The following REDIC1 variants were observed in gnomAD, a reference collection of about 807,000 sequenced individuals.
The protein encoded by REDIC1 is regulator of DNA class I crossover intermediates 1.
At chr12:39,720,827 A>T in the REDIC1 span, 27 of 1,612,234 alleles carry the variant, frequency 1.7e-5, no homozygotes, top group Non-Finnish European at 2.3e-5. Flanking sequence ...CAAATTGAAG[A>T]TTCAAATAGG....
At chr12:39,669,167 T>C in the REDIC1 span, among the ~76,000 whole-genome samples, 4 of 152,168 alleles carry the variant, frequency 2.6e-5, no homozygotes, top group Non-Finnish European at 5.9e-5. Flanking sequence ...CTCCGTTTTT[T>C]CCCCATCTTT....
the REDIC1 span, among the ~76,000 whole-genome samples, chr12:39,762,011 T>C: frequency 6.6e-6 from 1 of 152,120 alleles, no homozygotes; most frequent in Non-Finnish European, 1.5e-5. Flanking sequence ...TACAGATTCT[T>C]TCTTGTGACC....
the REDIC1 span, among the ~76,000 whole-genome samples, chr12:39,726,046 T>C: frequency 6.6e-6 from 1 of 152,106 alleles, no homozygotes; most frequent in Non-Finnish European, 1.5e-5. Context: ...AAATTTGCCT[T>C]TTCAAAACAA....
chr12:39,666,549 C>T, the REDIC1 span, among the ~76,000 whole-genome samples: 120,575 of 152,070 alleles, frequency 0.79, 48,523 homozygotes, highest in Non-Finnish European at 0.87. Flanking sequence ...TGTCTCTGCC[C>T]GGCTTTGGTA....
At chr12:39,691,907 G>T in the REDIC1 span, 1 of 683,098 alleles carries the variant, frequency 1.5e-6, no homozygotes, top group Non-Finnish European at 2.2e-6. Context: ...ATTTTTCTTT[G>T]TGGTTTAAAA....
At chr12:39,646,959 T>C in the REDIC1 span, 1 of 1,025,474 alleles carries the variant, frequency 9.8e-7, no homozygotes, top group Non-Finnish European at 1.4e-6. Context: ...TCTAAATGTC[T>C]GAATACTGGA....
chr12:39,874,224 G>A, the REDIC1 span, among the ~76,000 whole-genome samples: 1 of 152,156 alleles, frequency 6.6e-6, no homozygotes, highest in Non-Finnish European at 1.5e-5. Flanking sequence ...GAGGGCACTG[G>A]AGGTCACTGA....
chr12:39,799,351 C>G, the REDIC1 span, among the ~76,000 whole-genome samples: 1 of 148,218 alleles, frequency 6.7e-6, no homozygotes, highest in Admixed American at 6.9e-5. Flanking sequence ...CTCAAGTGAT[C>G]TGCCTACCTC....
chr12:39,839,547 T>C, the REDIC1 span, among the ~76,000 whole-genome samples: 2 of 151,830 alleles, frequency 1.3e-5, no homozygotes, highest in African/African-American at 4.9e-5. Context: ...TATTATCATT[T>C]GGTGATAAGA....
chr12:39,760,261 G>T, the REDIC1 span: 12 of 1,595,722 alleles, frequency 7.5e-6, no homozygotes, highest in Non-Finnish European at 1.0e-5. Context: ...TCCTGCAACG[G>T]AATATAATAG....
chr12:39,896,412 GTATGTATA>G, the REDIC1 span, among the ~76,000 whole-genome samples: 38 of 132,352 alleles, frequency 2.9e-4, 2 homozygotes, highest in African/African-American at 1.1e-3. Context: ...ATACATATAT[GTATGTATA>G]TGTGTATATA....
chr12:39,813,818 A>C, the REDIC1 span, among the ~76,000 whole-genome samples: 3 of 152,192 alleles, frequency 2.0e-5, no homozygotes, highest in Admixed American at 2.0e-4. Context: ...AAAAAGATGT[A>C]ATTGGGAATA....
At chr12:39,712,356 A>G in the REDIC1 span, among the ~76,000 whole-genome samples, 1 of 134,628 alleles carries the variant, frequency 7.4e-6, no homozygotes, top group South Asian at 2.2e-4. Context: ...ATATATACAT[A>G]CATACATACA....
chr12:39,708,442 A>T, the REDIC1 span, among the ~76,000 whole-genome samples: 1 of 151,834 alleles, frequency 6.6e-6, no homozygotes, highest in Non-Finnish European at 1.5e-5. Flanking sequence ...TTCTTTATGT[A>T]GTTAAATTGA....
At chr12:39,708,515 A>G in the REDIC1 span, among the ~76,000 whole-genome samples, 1 of 151,812 alleles carries the variant, frequency 6.6e-6, no homozygotes, top group Non-Finnish European at 1.5e-5. Flanking sequence ...CAAGTTACAA[A>G]TGAACTTACC....
the REDIC1 span, chr12:39,643,952 G>T: frequency 6.9e-7 from 1 of 1,439,490 alleles, no homozygotes; most frequent in South Asian, 1.3e-5. Flanking sequence ...TTTTGAACTT[G>T]ATGTGATCAT....
At chr12:39,657,207 C>G in the REDIC1 span, among the ~76,000 whole-genome samples, 1 of 152,006 alleles carries the variant, frequency 6.6e-6, no homozygotes, top group Non-Finnish European at 1.5e-5. Flanking sequence ...TATACCTTTT[C>G]TATGTTTAGA....
chr12:39,864,922 A>C, the REDIC1 span: 95 of 1,574,798 alleles, frequency 6.0e-5, no homozygotes, highest in Non-Finnish European at 8.1e-5. Context: ...AGAGTTGACA[A>C]TATTGTTTTA....
the REDIC1 span, among the ~76,000 whole-genome samples, chr12:39,662,336 A>G: frequency 6.6e-6 from 1 of 152,018 alleles, no homozygotes; most frequent in African/African-American, 2.4e-5. Flanking sequence ...TTTCCTTTGT[A>G]GAGGCCTTTC....
Sources: allele counts gnomAD v4.1 joint callset (sites outside exome capture counted in the v4.1 genomes callset), GRCh38; gene constraint gnomAD v4.1.1; transcripts MANE v1.5; gene names NCBI Gene and HGNC (gene_info 2026-07-23, HGNC 2026-07-21).